Variants in NRXN3 observed in about 807,000 individuals in gnomAD.
The protein encoded by NRXN3 is neurexin 3, also known as neurexin III.
Under a neutral mutation model 137.6 loss-of-function variants are expected in NRXN3, and 32 were observed. The ratio of observed to expected loss-of-function variants is 0.23; its 90% CI spans 0.18 to 0.31. The LOEUF is 0.31. Ranked by LOEUF, NRXN3 falls within the 10% of genes least tolerant of loss-of-function variation. The probability of loss-of-function intolerance (pLI) is 1.00; values close to 1 mark genes in which losing one functional copy is unlikely to be tolerated. For missense variants in NRXN3, 1,574 were observed against 2,062.5 expected (o/e 0.76, Z 4.59); for synonymous variants, 798 against 784.5 (o/e 1.02, Z -0.29).
At chr14:78,603,794 C>T (rs1307733521) in intron 4 of NRXN3, among the ~76,000 whole-genome samples, 1 of 152,094 alleles carries the variant, frequency 6.6e-6, no homozygotes, top group Admixed American at 6.5e-5. Context: ...CTAGACTAGC[C>T]CCATGAGCCA....
chr14:78,437,970 G>A (rs184083415), intron 4 of NRXN3, among the ~76,000 whole-genome samples: 9 of 152,272 alleles, frequency 5.9e-5, no homozygotes, highest in Admixed American at 4.6e-4. Flanking sequence ...TCTTTCTGGT[G>A]GCTGGTGTTG....
chr14:79,743,500 T>C (rs2098969581), intron 19 of NRXN3, among the ~76,000 whole-genome samples: 1 of 152,216 alleles, frequency 6.6e-6, no homozygotes, highest in Admixed American at 6.5e-5. Flanking sequence ...GGGCTAACAA[T>C]GAGAATGACT....
chr14:79,341,526 GTGGGGGA>G (rs1229712474), intron 15 of NRXN3, among the ~76,000 whole-genome samples: 4 of 152,298 alleles, frequency 2.6e-5, no homozygotes, highest in Admixed American at 2.6e-4. Context: ...TCCGGAGGCT[GTGGGGGA>G]GACTCACAGG....
intron 10 of NRXN3, among the ~76,000 whole-genome samples, chr14:78,955,953 G>T (rs1410727905): frequency 6.6e-6 from 1 of 152,044 alleles, no homozygotes; most frequent in Non-Finnish European, 1.5e-5. Flanking sequence ...CTAATTGATG[G>T]TTACCATAGA....
chr14:79,057,229 G>T (rs1387254040), intron 15 of NRXN3, among the ~76,000 whole-genome samples: 1 of 152,182 alleles, frequency 6.6e-6, no homozygotes. Context: ...GGCATAAAAG[G>T]CAAAGAGAGA....
In NRXN3 at chr14:78,898,064, A is replaced by G. The variant is rs556937812; in HGVS notation, c.2276-59178A>G. Among the ~76,000 whole-genome samples, 16 of 152,064 alleles carry G rather than the reference A, an allele frequency of 1.1e-4. No homozygotes were observed. The South Asian group carries it at 2.9e-3, about 28-fold the overall frequency. ...CATGTAAAATCTATGCCTCCCTAATATGCAAAAATACTGAAAATGAGCACC... is the reference window on the plus strand; with the variant it reads ...CATGTAAAATCTATGCCTCCCTAATGTGCAAAAATACTGAAAATGAGCACC... On this transcript the variant is annotated intron_variant, in intron 10 of 20. Transcript: ENST00000335750.
rs1270973848 is a variant in NRXN3, at chr14:79,316,773, T to C, written c.3263-150448T>C. Among the ~76,000 whole-genome samples, 4 of 151,384 alleles carry C rather than the reference T, an allele frequency of 2.6e-5. 1 individual carries two copies. In the South Asian group the frequency reaches 6.3e-4, roughly 24 times the overall value. On this transcript the variant is annotated intron_variant, in intron 15 of 20. Coordinates refer to ENST00000335750, the MANE Select transcript of NRXN3 (RefSeq NM_001330195.2). ...CTCTCTCTCTCTCTCTATTGAATTC[T>C]GGGGGTGTAGTAGTCCATTGTTTAG...
chr14:78,265,262 G>C (rs927386448), intron 2 of NRXN3, among the ~76,000 whole-genome samples: 3 of 151,944 alleles, frequency 2.0e-5, no homozygotes, highest in African/African-American at 7.3e-5. Context: ...AGTGTGTAGA[G>C]AGGAATGAAC....
At chr14:78,551,979 G>A (rs1043918063) in intron 4 of NRXN3, among the ~76,000 whole-genome samples, 7 of 152,238 alleles carry the variant, frequency 4.6e-5, no homozygotes, top group Admixed American at 2.0e-4. Flanking sequence ...CTTGTTGGTC[G>A]CGATACCCTG....
chr14:79,724,658 G>A (rs2098870076), intron 19 of NRXN3, among the ~76,000 whole-genome samples: 1 of 152,266 alleles, frequency 6.6e-6, no homozygotes, highest in Non-Finnish European at 1.5e-5. Flanking sequence ...TATAAGCCAT[G>A]ACTTCTATTT....
At chr14:79,694,498 A>G (rs2098727772) in intron 18 of NRXN3, among the ~76,000 whole-genome samples, 1 of 151,308 alleles carries the variant, frequency 6.6e-6, no homozygotes, top group African/African-American at 2.4e-5. Context: ...TTCTCAGATT[A>G]GGATATATAT....
At chr14:78,185,378 T>G (rs1466185115) in intron 1 of NRXN3, among the ~76,000 whole-genome samples, 1 of 151,938 alleles carries the variant, frequency 6.6e-6, no homozygotes, top group Non-Finnish European at 1.5e-5. Context: ...GCCAGGGAAG[T>G]AGCATGATGA....
At chr14:79,529,580 A>C (rs2097151884) in intron 16 of NRXN3, among the ~76,000 whole-genome samples, 1 of 152,164 alleles carries the variant, frequency 6.6e-6, no homozygotes, top group African/African-American at 2.4e-5. Flanking sequence ...ATTAAAACAC[A>C]TGTCTTACCA....
chr14:78,347,488 TTTCTAAGC>T (rs2082910048), intron 4 of NRXN3, among the ~76,000 whole-genome samples: 1 of 152,188 alleles, frequency 6.6e-6, no homozygotes, highest in African/African-American at 2.4e-5. Context: ...CAATGTATAC[TTTCTAAGC>T]TGTTGCCACG....
chr14:78,246,128 G>T (rs984981922), intron 2 of NRXN3, among the ~76,000 whole-genome samples: 23 of 152,286 alleles, frequency 1.5e-4, no homozygotes, highest in Admixed American at 9.8e-4. Context: ...CAAGTGTGTT[G>T]TTAGCTTGCT....
At chr14:78,829,856 CAAGTT>C (rs1567441771) in intron 10 of NRXN3, among the ~76,000 whole-genome samples, 20 of 152,252 alleles carry the variant, frequency 1.3e-4, no homozygotes, top group Non-Finnish European at 2.2e-4. Context: ...CTAACAGAAT[CAAGTT>C]CAGCTCAGGG....
chr14:78,267,138 G>A lies in NRXN3; in HGVS notation c.710-11507G>A, dbSNP rs143259400. 2.1e-3 allele frequency among the ~76,000 whole-genome samples: 320 copies of A among 152,246 alleles called. 2 individuals are homozygous for A. Among genetic ancestry groups the A allele is most frequent in the African/African-American group, 7.6e-3 (316 of 41,554 alleles). ...CAGGTTGTCAACAATCAAAGAACAGGGAATTAGTATGTGCTGAGCATGGTG... is the reference window on the plus strand; with the variant it reads ...CAGGTTGTCAACAATCAAAGAACAGAGAATTAGTATGTGCTGAGCATGGTG... On this transcript the variant is annotated intron_variant, in intron 2 of 20. Transcript: ENST00000335750.
In NRXN3 at chr14:79,314,909, A is replaced by G. The variant is rs930718540; in HGVS notation, c.3263-152312A>G. Among the ~76,000 whole-genome samples the G allele has an allele frequency of 3.3e-5, 5 of 152,120 alleles. No individual in the cohort carries two copies. The South Asian group carries it at 8.3e-4, about 25-fold the overall frequency. Reference sequence around the variant, plus strand: ...GAAAGGACATCTACACTGAAAACCCATCTGTACATCACCATCATCAAAGAC... The same window carrying G: ...GAAAGGACATCTACACTGAAAACCCGTCTGTACATCACCATCATCAAAGAC... On this transcript the variant is annotated intron_variant, in intron 15 of 20. Transcript: ENST00000335750.
chr14:78,242,520 C>G lies in NRXN3; in HGVS notation c.-574C>G, dbSNP rs149223097. On this transcript the variant is annotated 5_prime_UTR_variant, in exon 2 of 21. Coordinates refer to ENST00000335750, the MANE Select transcript of NRXN3 (RefSeq NM_001330195.2). Reference sequence around the variant, plus strand: ...TGAGCATTGGGCTTCTAGCTGCCCCCCTCCCCACAGCCTGCCGCTGCTAGG... The same window carrying G: ...TGAGCATTGGGCTTCTAGCTGCCCCGCTCCCCACAGCCTGCCGCTGCTAGG... 2.0e-3 allele frequency: 301 copies of G among 153,892 alleles called. 2 individuals are homozygous for G. The highest frequency in any genetic ancestry group is 2.7e-3 in the Non-Finnish European group (184 of 69,286). The allele number at this position is 153,892 out of a possible 1,614,324, so 9.5% of individuals were successfully genotyped here.
Sources: allele counts gnomAD v4.1 joint callset (sites outside exome capture counted in the v4.1 genomes callset), GRCh38; gene constraint gnomAD v4.1.1; transcripts MANE v1.5; gene names NCBI Gene and HGNC (gene_info 2026-07-23, HGNC 2026-07-21).